CPS1: variants seen among roughly 807,000 people sequenced by gnomAD.
CPS1 encodes carbamoyl-phosphate synthase 1, also known as carbamoyl-phosphate synthase [ammonia], mitochondrial.
A neutral mutation model predicts 174.6 loss-of-function variants in CPS1; 109 were observed. The ratio of observed to expected loss-of-function variants is 0.62; its 90% CI spans 0.53 to 0.73. The LOEUF is 0.73. CPS1 is among the 30% of genes least tolerant of loss of function. The probability of loss-of-function intolerance (pLI) is 0.00; values close to 1 mark genes in which losing one functional copy is unlikely to be tolerated. For synonymous variants in CPS1, 637 were observed against 632.0 expected, an observed-to-expected ratio of 1.01 and a Z score of -0.12; for missense variants, 1,689 against 1,821.9, an observed-to-expected ratio of 0.93 and a Z score of 1.33.
chr2:210,584,288 G>A (rs779979864), intron 6 of CPS1, among the ~76,000 whole-genome samples: 30 of 152,028 alleles, frequency 2.0e-4, no homozygotes, highest in Non-Finnish European at 3.7e-4. Context: ...CTACCTTGGG[G>A]TTTATTTATA....
chr2:210,511,535 TAAAC>T (rs148065891), intron 1 of CPS1, among the ~76,000 whole-genome samples: 61,480 of 151,572 alleles, frequency 0.41, 14,024 homozygotes, highest in Non-Finnish European at 0.52. Flanking sequence ...ATTATAATAA[TAAAC>T]AAAAAGAAAA....
chr2:210,639,529 G>A (rs1049638799), intron 23 of CPS1, among the ~76,000 whole-genome samples: 2 of 148,426 alleles, frequency 1.3e-5, no homozygotes, highest in Non-Finnish European at 3.0e-5. Context: ...GGAGAATGGC[G>A]TGAACCCGGG....
At chr2:210,622,276 A>T (rs1699553723) in intron 21 of CPS1, among the ~76,000 whole-genome samples, 2 of 151,704 alleles carry the variant, frequency 1.3e-5, no homozygotes, top group South Asian at 2.1e-4. Context: ...TATACCATAG[A>T]TGACTGCTTA....
At position 210,668,242 on chromosome 2, in the gene CPS1, A is replaced by G; in HGVS notation, c.4059A>G (p.Thr1353=). The change falls in exon 34 of 38, where the codon ACA becomes ACG. Residue 1353 remains threonine (T), a synonymous_variant. Coordinates refer to ENST00000233072, the MANE Select transcript of CPS1 (RefSeq NM_001875.5). ...HTAFLKAMLS[T]GFKIPQKGIL... ...CCTTCCTAAAGGCAATGCTTTCCAC[A>G]GGATTTAAGATACCCCAGAAAGGCA... 1 of 1,614,016 alleles carries G rather than the reference A, an allele frequency of 6.2e-7. No homozygotes were observed. Among genetic ancestry groups the G allele is most frequent in the Non-Finnish European group, 8.5e-7 (1 of 1,179,922 alleles).
chr2:210,514,712 A>T (rs1695627287), intron 1 of CPS1, among the ~76,000 whole-genome samples: 1 of 149,432 alleles, frequency 6.7e-6, no homozygotes, highest in Admixed American at 6.7e-5. Context: ...TTCTAGTACT[A>T]TGTTGAATTG....
In CPS1 at chr2:210,599,082, G is replaced by A. The variant is rs1698607954; in HGVS notation, c.1360-290G>A. ...GTTCAGTAATATTTGTGGCTCTCTA[G>A]ACCAATTATATAGAAATGGTCTCCA... On this transcript the variant is annotated intron_variant, in intron 13 of 37. Transcript: ENST00000233072. Among the ~76,000 whole-genome samples, 4 of 151,808 alleles carry A rather than the reference G, an allele frequency of 2.6e-5. 1 individual carries two copies. In the South Asian group the frequency reaches 8.3e-4, roughly 31 times the overall value.
Position 210,590,865 on chromosome 2 carries a change from G to A in CPS1, c.906G>A (p.Leu302=). 6.2e-7 allele frequency: 1 copy of A among 1,611,240 alleles called. No homozygotes were observed. The highest frequency in any genetic ancestry group is 8.5e-7 in the Non-Finnish European group (1 of 1,178,228). The change falls in exon 9 of 38, where the codon TTG becomes TTA. Residue 302 remains leucine (L), a synonymous_variant. Transcript: ENST00000233072. ...GISTGNLITG[L]AAGAKTYKMS... The stretch of plus-strand genomic sequence containing the variant: ...GTACAGGAAACTTAATAACAGGATT[G>A]GCTGCTGGTGCCAAAACCTACAAGA...
intron 1 of CPS1, among the ~76,000 whole-genome samples, chr2:210,562,404 G>A (rs1045726131): frequency 1.3e-5 from 2 of 152,116 alleles, no homozygotes; most frequent in African/African-American, 2.4e-5. Context: ...GAAGTGTTAG[G>A]CCTTGTAACT....
chr2:210,511,645 G>A (rs564190239), intron 1 of CPS1, among the ~76,000 whole-genome samples: 2 of 152,196 alleles, frequency 1.3e-5, no homozygotes, highest in South Asian at 4.1e-4. Flanking sequence ...TTAAGACTCA[G>A]TGATAGGCTC....
chr2:210,477,698 T>A, exon 1 of CPS1: 1 of 1,604,002 alleles, frequency 6.2e-7, no homozygotes, highest in Non-Finnish European at 8.5e-7. Context: ...TTAAAATAGT[T>A]GCTTTCTTAG....
At chr2:210,638,775 AGCC>A (rs1330191351) in intron 22 of CPS1, among the ~76,000 whole-genome samples, 3 of 152,194 alleles carry the variant, frequency 2.0e-5, no homozygotes, top group Non-Finnish European at 4.4e-5. Flanking sequence ...TTAATTTGCA[AGCC>A]AAAGAGATCC....
At chr2:210,484,841 T>C (rs955955274) in intron 1 of CPS1, among the ~76,000 whole-genome samples, 6 of 152,198 alleles carry the variant, frequency 3.9e-5, no homozygotes, top group Non-Finnish European at 8.8e-5. Flanking sequence ...GAAGCCTTCT[T>C]CCCTGGAAAA....
intron 1 of CPS1, among the ~76,000 whole-genome samples, chr2:210,518,590 A>C (rs554205282): frequency 6.6e-6 from 1 of 152,138 alleles, no homozygotes; most frequent in Middle Eastern, 3.4e-3. Context: ...GCCATGTTGG[A>C]CCTTGGGAAA....
At chr2:210,580,697 C>G (rs1697895102) in intron 5 of CPS1, among the ~76,000 whole-genome samples, 1 of 151,606 alleles carries the variant, frequency 6.6e-6, no homozygotes, top group Non-Finnish European at 1.5e-5. Flanking sequence ...CCCATCTCTA[C>G]TAAATATACA....
At chr2:210,660,949 G>A (rs1027413786) in intron 32 of CPS1, among the ~76,000 whole-genome samples, 1 of 152,156 alleles carries the variant, frequency 6.6e-6, no homozygotes, top group Non-Finnish European at 1.5e-5. Context: ...TAGTTTAGCT[G>A]GTAAATAGAA....
At chr2:210,670,711 T>C (rs897145010) in intron 34 of CPS1, among the ~76,000 whole-genome samples, 2 of 152,162 alleles carry the variant, frequency 1.3e-5, no homozygotes, top group Admixed American at 1.3e-4. Flanking sequence ...TATTATGAAG[T>C]TCCAAGAGAA....
At chr2:210,481,710 G>C (rs1176192365) in intron 1 of CPS1, among the ~76,000 whole-genome samples, 1 of 152,216 alleles carries the variant, frequency 6.6e-6, no homozygotes, top group Admixed American at 6.5e-5. Context: ...TAGTAGCCAC[G>C]TTATTTGTGC....
At chr2:210,506,948 A>G (rs1695304375) in intron 1 of CPS1, among the ~76,000 whole-genome samples, 1 of 152,218 alleles carries the variant, frequency 6.6e-6, no homozygotes, top group Non-Finnish European at 1.5e-5. Context: ...GTTGGAAAAC[A>G]CTCTGCAGGA....
chr2:210,593,412 A>G, intron 11 of CPS1: 5 of 1,061,278 alleles, frequency 4.7e-6, no homozygotes, highest in Non-Finnish European at 5.7e-6. Context: ...GTTGGAGGGG[A>G]GAGAGGGCAT....
Sources: allele counts gnomAD v4.1 joint callset (sites outside exome capture counted in the v4.1 genomes callset), GRCh38; gene constraint gnomAD v4.1.1; transcripts MANE v1.5; gene names NCBI Gene and HGNC (gene_info 2026-07-23, HGNC 2026-07-21).